Variants in SLC44A5 observed in about 807,000 individuals in gnomAD.
The protein encoded by SLC44A5 is choline transporter-like protein 5.
In SLC44A5, 57 loss-of-function variants were observed where a neutral mutation model predicts 101.8. The ratio of observed to expected loss-of-function variants is 0.56; its 90% confidence interval spans 0.45 to 0.70. The LOEUF (loss-of-function observed/expected upper bound fraction) is 0.70, where lower values mean the gene tolerates loss of function less well. Among genes scored for constraint, SLC44A5 ranks in the 30% least tolerant of loss-of-function variants. The pLI is 0.00. For synonymous variants in SLC44A5, 281 were observed against 290.9 expected, an observed-to-expected ratio of 0.97 and a Z score of 0.35; for missense variants, 737 against 853.1, an observed-to-expected ratio of 0.86 and a Z score of 1.70.
chr1:75,624,954 G>A, the SLC44A5 span, among the ~76,000 whole-genome samples: 16 of 151,998 alleles, frequency 1.1e-4, no homozygotes, highest in African/African-American at 3.4e-4. Flanking sequence ...GTCACTGTTC[G>A]GCCACCATTT....
At chr1:75,628,953 T>C in the SLC44A5 span, among the ~76,000 whole-genome samples, 1 of 152,116 alleles carries the variant, frequency 6.6e-6, no homozygotes, top group Non-Finnish European at 1.5e-5. Context: ...TAGTTGCATG[T>C]TCTACCAGAA....
At chr1:75,219,924 G>C in intron 14 of SLC44A5, 32 bp from the exon 15 acceptor site, 8 of 1,419,592 alleles carry the variant, frequency 5.6e-6, no homozygotes, top group Non-Finnish European at 7.9e-6. Flanking sequence ...AAATTCAATT[G>C]TTAAAACTAG....
intron 1 of SLC44A5, among the ~76,000 whole-genome samples, chr1:75,594,841 C>A (rs375683876): frequency 2.0e-5 from 3 of 151,426 alleles, no homozygotes; most frequent in African/African-American, 7.3e-5. Context: ...CAGTAACAAC[C>A]TGAAAATAAA....
intron 2 of SLC44A5, among the ~76,000 whole-genome samples, chr1:75,473,161 T>A (rs1475253717): frequency 6.6e-6 from 1 of 152,196 alleles, no homozygotes; most frequent in African/African-American, 2.4e-5. Context: ...AGTGTCCTTT[T>A]TTATGCATGA....
chr1:75,524,213 TCTC>T (rs1350398617), intron 2 of SLC44A5, among the ~76,000 whole-genome samples: 2 of 152,114 alleles, frequency 1.3e-5, no homozygotes, highest in Non-Finnish European at 2.9e-5. Flanking sequence ...CTTAGCTCTC[TCTC>T]TTCTGCTGCC....
intron 2 of SLC44A5, among the ~76,000 whole-genome samples, chr1:75,504,643 G>A (rs2101850242): frequency 6.6e-6 from 1 of 151,718 alleles, no homozygotes; most frequent in Non-Finnish European, 1.5e-5. Context: ...TTTATATAAA[G>A]GACCAAGTAA....
chr1:75,531,220 T>G (rs1670703837), intron 2 of SLC44A5, among the ~76,000 whole-genome samples: 1 of 152,240 alleles, frequency 6.6e-6, no homozygotes, highest in Non-Finnish European at 1.5e-5. Flanking sequence ...TAAATAGACC[T>G]ATTTATCTCT....
chr1:75,661,211 A>C, the SLC44A5 span, among the ~76,000 whole-genome samples: 1 of 152,028 alleles, frequency 6.6e-6, no homozygotes, highest in Non-Finnish European at 1.5e-5. Flanking sequence ...TATTTTTGAC[A>C]AAGGCACCAA....
At chr1:75,617,173 AT>A in the SLC44A5 span, among the ~76,000 whole-genome samples, 1 of 151,916 alleles carries the variant, frequency 6.6e-6, no homozygotes, top group East Asian at 1.9e-4. Context: ...ACAATATCGA[AT>A]TTTTTTTATA....
intron 4 of SLC44A5, among the ~76,000 whole-genome samples, chr1:75,337,221 T>G (rs780738662): frequency 8.5e-5 from 13 of 152,144 alleles, no homozygotes; most frequent in Non-Finnish European, 1.8e-4. Context: ...AATAAATGTG[T>G]ATAGTACCCC....
intron 4 of SLC44A5, among the ~76,000 whole-genome samples, chr1:75,335,937 G>T (rs1657408232): frequency 6.6e-6 from 1 of 152,080 alleles, no homozygotes; most frequent in Admixed American, 6.6e-5. Context: ...CCACACATTT[G>T]GTGCACAGCC....
intron 2 of SLC44A5, among the ~76,000 whole-genome samples, chr1:75,430,975 A>G (rs1664581979): frequency 6.6e-6 from 1 of 152,188 alleles, no homozygotes; most frequent in Non-Finnish European, 1.5e-5. Flanking sequence ...CAGAATAAAC[A>G]GCAGCAGCAA....
intron 2 of SLC44A5, among the ~76,000 whole-genome samples, chr1:75,417,431 T>A (rs1663727651): frequency 6.6e-6 from 1 of 152,194 alleles, no homozygotes. Flanking sequence ...TTATCAGCAG[T>A]GTGAAAACAG....
intron 2 of SLC44A5, among the ~76,000 whole-genome samples, chr1:75,478,078 A>T (rs1227782313): frequency 6.6e-6 from 1 of 152,252 alleles, no homozygotes; most frequent in Non-Finnish European, 1.5e-5. Context: ...ACAAGCCAGA[A>T]GAGAGTATGG....
At chr1:75,632,622 G>A in the SLC44A5 span, among the ~76,000 whole-genome samples, 1 of 151,952 alleles carries the variant, frequency 6.6e-6, no homozygotes, top group Admixed American at 6.6e-5. Context: ...CCATGCTCCT[G>A]AAATTGTTTT....
At chr1:75,662,414 A>G in the SLC44A5 span, among the ~76,000 whole-genome samples, 1 of 152,054 alleles carries the variant, frequency 6.6e-6, no homozygotes, top group Non-Finnish European at 1.5e-5. Flanking sequence ...GTACAGCTAG[A>G]TAAGAGGAAT....
chr1:75,713,584 A>C, the SLC44A5 span, among the ~76,000 whole-genome samples: 1 of 152,278 alleles, frequency 6.6e-6, no homozygotes, highest in Non-Finnish European at 1.5e-5. Flanking sequence ...GTGGAGGCCA[A>C]AGCAACTTTA....
intron 4 of SLC44A5, among the ~76,000 whole-genome samples, chr1:75,322,653 C>T (rs1467529015): frequency 6.6e-6 from 1 of 152,134 alleles, no homozygotes; most frequent in Non-Finnish European, 1.5e-5. Flanking sequence ...TATCCTTTTC[C>T]TCCACCCATG....
the SLC44A5 span, among the ~76,000 whole-genome samples, chr1:75,708,659 T>A: frequency 6.6e-6 from 1 of 152,100 alleles, no homozygotes; most frequent in East Asian, 1.9e-4. Context: ...ATGGCAATTA[T>A]GTCTTTATGG....
Sources: gnomAD v4.1 joint callset for allele counts (sites outside exome capture counted in the v4.1 genomes callset) on GRCh38, gnomAD v4.1.1 for gene constraint, MANE v1.5 for transcripts, NCBI Gene and HGNC (gene_info 2026-07-23, HGNC 2026-07-21) for gene names.